PFDN1: variants seen among roughly 807,000 people sequenced by gnomAD.
PFDN1 encodes the protein prefoldin subunit 1.
PFDN1 carries 6 observed loss-of-function variants against 17.3 expected under a neutral mutation model. The observed-to-expected ratio is 0.35, with a 90% CI of 0.19 to 0.69. The LOEUF is 0.69. Among genes scored for constraint, PFDN1 ranks in the 30% least tolerant of loss-of-function variants. The pLI is 0.65. For missense variants in PFDN1, 113 were observed against 146.2 expected, an observed-to-expected ratio of 0.77 and a Z score of 1.17; for synonymous variants, 58 against 50.1, an observed-to-expected ratio of 1.16 and a Z score of -0.67.
chr5:140,278,587 A>AAAAAAAC (rs1561508718), intron 3 of PFDN1, among the ~76,000 whole-genome samples: 3 of 131,782 alleles, frequency 2.3e-5, no homozygotes, highest in Non-Finnish European at 3.2e-5. Flanking sequence ...AAAAAAAAAA[A>AAAAAAAC]CAAAAAACAA....
At position 140,283,854 on chromosome 5, in the gene PFDN1, T is replaced by C. The variant is rs1280886188; in HGVS notation, c.201-2321A>G. Among the ~76,000 whole-genome samples, 3 of 152,200 alleles carry C rather than the reference T, an allele frequency of 2.0e-5. No homozygotes were observed. In the East Asian group the frequency reaches 5.8e-4, roughly 29 times the overall value. Reference sequence around the variant, plus strand: ...AAACAAGGTGCAAGAGTCACCAAATTATGTCATGACATGTGTGATTTTACT... The same window carrying C: ...AAACAAGGTGCAAGAGTCACCAAATCATGTCATGACATGTGTGATTTTACT... On this transcript the variant is annotated intron_variant, in intron 2 of 3. Transcript: ENST00000261813.
At chr5:140,286,560 C>T (rs1267378087) in intron 2 of PFDN1, among the ~76,000 whole-genome samples, 1 of 132,000 alleles carries the variant, frequency 7.6e-6, no homozygotes, top group Non-Finnish European at 1.5e-5. Context: ...ATTCATTGCT[C>T]GAAAAATGTT....
chr5:140,258,519 C>T lies in PFDN1; in HGVS notation c.286-12462G>A, dbSNP rs143107905. On this transcript the variant is annotated intron_variant, in intron 3 of 3. Coordinates refer to ENST00000261813, the MANE Select transcript of PFDN1 (RefSeq NM_002622.5). ...TGAATGTTGGAAACCTATTAGGAGG[C>T]CACTGCAATCGTCTTGGAAAGAGAT... Among the ~76,000 whole-genome samples the T allele has an allele frequency of 7.3e-4, 110 of 151,408 alleles. No individual in the cohort carries two copies. In the Middle Eastern group the frequency reaches 0.021, roughly 29 times the overall value.
At chr5:140,295,726 A>G (rs1364253753) in intron 2 of PFDN1, among the ~76,000 whole-genome samples, 2 of 152,142 alleles carry the variant, frequency 1.3e-5, no homozygotes, top group Non-Finnish European at 2.9e-5. Context: ...CTGTAGCTTG[A>G]CTTTCCTTGT....
rs1378264185 is a variant in PFDN1 at position 140,254,988 on chromosome 5, G to A, written c.286-8931C>T. 6.6e-6 allele frequency among the ~76,000 whole-genome samples: 1 copy of A among 152,152 alleles called. No individual in the cohort carries two copies. The highest frequency in any genetic ancestry group is 1.9e-4 in the East Asian group (1 of 5,192). On this transcript the variant is annotated intron_variant, in intron 3 of 3. Coordinates refer to ENST00000261813, the MANE Select transcript of PFDN1 (RefSeq NM_002622.5). The surrounding 1 kb of genome is among the most constrained non-coding windows in gnomAD (Gnocchi z 4.4). ...TACCCACTCCATGCCTCACCTGAGT[G>A]GCTGAATGTTGCTGGAGGAAAATGC...
intron 3 of PFDN1, among the ~76,000 whole-genome samples, chr5:140,278,640 GC>G (rs900504746): frequency 4.0e-5 from 6 of 148,496 alleles, no homozygotes; most frequent in Non-Finnish European, 5.9e-5. Flanking sequence ...ATGAGCACTT[GC>G]CCCCCCAACA....
At chr5:140,257,661 A>G (rs746699450) in intron 3 of PFDN1, among the ~76,000 whole-genome samples, 1 of 152,188 alleles carries the variant, frequency 6.6e-6, no homozygotes, top group Non-Finnish European at 1.5e-5. Context: ...AGTAGGGATC[A>G]TGTCTGATTT....
At chr5:140,270,351 C>T (rs1765189901) in intron 3 of PFDN1, among the ~76,000 whole-genome samples, 1 of 152,004 alleles carries the variant, frequency 6.6e-6, no homozygotes, top group Non-Finnish European at 1.5e-5. Context: ...CTCCCTAAAG[C>T]ATTCAAAGGG....
At chr5:140,267,016 G>T (rs1211988542) in intron 3 of PFDN1, among the ~76,000 whole-genome samples, 1 of 152,206 alleles carries the variant, frequency 6.6e-6, no homozygotes, top group South Asian at 2.1e-4. Context: ...CACACATGCT[G>T]CAGTGTGGGT....
intron 3 of PFDN1, among the ~76,000 whole-genome samples, chr5:140,265,283 C>T (rs904667443): frequency 1.8e-4 from 27 of 152,088 alleles, no homozygotes; most frequent in Non-Finnish European, 5.9e-5. Context: ...GAGGGTTGCC[C>T]ATGTGGGTAT....
intron 2 of PFDN1, among the ~76,000 whole-genome samples, chr5:140,299,489 A>G (rs534373732): frequency 6.6e-6 from 1 of 151,908 alleles, no homozygotes; most frequent in African/African-American, 2.4e-5. Flanking sequence ...AGTCCCAGCT[A>G]CTCAGGAGGC....
intron 3 of PFDN1, among the ~76,000 whole-genome samples, chr5:140,274,314 A>G (rs1248165808): frequency 6.6e-6 from 1 of 152,252 alleles, no homozygotes; most frequent in African/African-American, 2.4e-5. Flanking sequence ...GAGACATGTC[A>G]TAATTCCAAA....
chr5:140,288,573 C>G (rs1295243086), intron 2 of PFDN1, among the ~76,000 whole-genome samples: 1 of 152,144 alleles, frequency 6.6e-6, no homozygotes, highest in African/African-American at 2.4e-5. Context: ...AACAAATGTA[C>G]CACACTAATG....
At chr5:140,247,594 T>G (rs901707858) in intron 3 of PFDN1, among the ~76,000 whole-genome samples, 1 of 152,190 alleles carries the variant, frequency 6.6e-6, no homozygotes, top group African/African-American at 2.4e-5. Context: ...TTTACTCATC[T>G]CCCATCTGTC....
At chr5:140,287,072 T>C (rs557894141) in intron 2 of PFDN1, among the ~76,000 whole-genome samples, 1 of 152,364 alleles carries the variant, frequency 6.6e-6, no homozygotes, top group South Asian at 2.1e-4. Context: ...TGTATGTGAA[T>C]ATATGTATAC....
chr5:140,296,661 T>C (rs1382312235), intron 2 of PFDN1, among the ~76,000 whole-genome samples: 1 of 152,176 alleles, frequency 6.6e-6, no homozygotes, highest in Non-Finnish European at 1.5e-5. Flanking sequence ...ACATAACATG[T>C]GTGAGGAAAC....
At chr5:140,281,348 G>C (rs1457780925) in intron 3 of PFDN1, 101 bp downstream of exon 3, 3 of 632,254 alleles carry the variant, frequency 4.7e-6, no homozygotes, top group Non-Finnish European at 8.5e-6. Context: ...AAAATAATAT[G>C]ACATTACTTT....
At chr5:140,270,657 G>A (rs1176163067) in intron 3 of PFDN1, among the ~76,000 whole-genome samples, 1 of 152,188 alleles carries the variant, frequency 6.6e-6, no homozygotes, top group Non-Finnish European at 1.5e-5. Context: ...CAGGCACGAT[G>A]GCTTATGCCT....
intron 3 of PFDN1, among the ~76,000 whole-genome samples, chr5:140,273,458 T>A (rs1765239643): frequency 6.6e-6 from 1 of 151,786 alleles, no homozygotes; most frequent in Non-Finnish European, 1.5e-5. Context: ...ACAGGCAGAG[T>A]AAAATTTCCT....
Sources: gnomAD v4.1 joint callset for allele counts (sites outside exome capture counted in the v4.1 genomes callset) on GRCh38, gnomAD v4.1.1 for gene constraint, Gnocchi (gnomAD v3.1) non-coding constraint, MANE v1.5 for transcripts, NCBI Gene and HGNC (gene_info 2026-07-23, HGNC 2026-07-21) for gene names.